The following TRPV5 variants were observed in gnomAD, a reference collection of about 807,000 sequenced individuals.
TRPV5 encodes the protein transient receptor potential cation channel subfamily V member 5, also known as calcium transport protein 2.
Under a neutral mutation model 74.1 loss-of-function variants are expected in TRPV5, and 66 were observed. That is an observed-to-expected ratio of 0.89 (90% CI 0.73 to 1.09). TRPV5 has a LOEUF of 1.09. Ranked by LOEUF, TRPV5 falls within the 50% of genes least tolerant of loss-of-function variation. The pLI is 0.00. For synonymous variants in TRPV5, 399 were observed against 360.7 expected (o/e 1.11, Z -1.20); for missense variants, 936 against 930.4 (o/e 1.01, Z -0.08).
intron 8 of TRPV5, among the ~76,000 whole-genome samples, chr7:142,916,765 A>C (rs1563371714): frequency 6.6e-6 from 1 of 152,064 alleles, no homozygotes. Flanking sequence ...GCAGCAGCAC[A>C]CTCACCTGCC....
At chr7:142,930,546 C>T in intron 1 of TRPV5, 100 bp from the exon 2 acceptor site, 1 of 889,970 alleles carries the variant, frequency 1.1e-6, no homozygotes, top group South Asian at 1.4e-5. Flanking sequence ...ACGTGACTCA[C>T]ACAGCGTGCA....
chr7:142,929,989 A>G (rs1796057254), intron 3 of TRPV5, 69 bp downstream of exon 3: 3 of 1,609,516 alleles, frequency 1.9e-6, no homozygotes, highest in Non-Finnish European at 1.7e-6. Flanking sequence ...TCAGAGGCCA[A>G]TTTTAAGAGA....
intron 1 of TRPV5, among the ~76,000 whole-genome samples, chr7:142,932,613 G>A (rs2116613532): frequency 6.6e-6 from 1 of 152,258 alleles, no homozygotes; most frequent in East Asian, 1.9e-4. Flanking sequence ...AACACTTGGA[G>A]GAAGAAGCAG....
chr7:142,911,955 C>T (rs952145626), intron 13 of TRPV5, among the ~76,000 whole-genome samples: 3 of 152,114 alleles, frequency 2.0e-5, no homozygotes, highest in African/African-American at 7.2e-5. Context: ...CCCTTCCTCC[C>T]AACCTCTACC....
intron 8 of TRPV5, 35 bp downstream of exon 8, chr7:142,925,494 G>A: frequency 6.2e-7 from 1 of 1,608,284 alleles, no homozygotes; most frequent in African/African-American, 1.3e-5. Context: ...ACCCCTTGAT[G>A]CAATTCTCTC....
chr7:142,928,612 A>T (rs905861994), intron 6 of TRPV5, 79 bp downstream of exon 6: 4 of 1,500,300 alleles, frequency 2.7e-6, no homozygotes, highest in African/African-American at 2.8e-5. Context: ...TGGGCCCTTC[A>T]CCTCTATTTC....
At chr7:142,920,320 T>A (rs575472091) in intron 8 of TRPV5, among the ~76,000 whole-genome samples, 54 of 152,284 alleles carry the variant, frequency 3.5e-4, no homozygotes, top group African/African-American at 1.3e-3. Flanking sequence ...CCCACAGAAT[T>A]ATGACTTGCC....
chr7:142,912,414 A>G (rs1320813948), intron 13 of TRPV5, 68 bp downstream of exon 13: 1 of 1,555,786 alleles, frequency 6.4e-7, no homozygotes, highest in East Asian at 2.3e-5. Flanking sequence ...GATCCACCAT[A>G]ACATTTTCCA....
At chr7:142,924,279 T>TACATGTATATATATACATATATATACAC (rs1563374950) in intron 8 of TRPV5, among the ~76,000 whole-genome samples, 2 of 100,166 alleles carry the variant, frequency 2.0e-5, no homozygotes, top group African/African-American at 1.1e-4. Flanking sequence ...TATATATATA[T>TACATGTATATATATACATATATATACAC]ACATATACAT....
intron 13 of TRPV5, 75 bp downstream of exon 13, chr7:142,912,407 C>A: frequency 6.5e-7 from 1 of 1,540,532 alleles, no homozygotes; most frequent in Non-Finnish European, 8.8e-7. Context: ...TAAGAATGAT[C>A]CACCATAACA....
In TRPV5 at chr7:142,925,673, C is replaced by T. The variant is rs753472178; in HGVS notation, c.978G>A (p.Arg326=). 6.8e-6 allele frequency: 11 copies of T among 1,614,150 alleles called. No individual in the cohort carries two copies. The East Asian group carries it at 2.5e-4, about 36-fold the overall frequency. The change falls in exon 8 of 15, where the codon CGG becomes CGA. Residue 326 remains arginine (R), a synonymous_variant. Transcript: ENST00000265310. ...LVSFKWNKYG[R]PYFCILAALY... is the part of the protein sequence containing the mutation. Reference sequence around the variant, plus strand: ...AGGCAGCCAGGATGCAGAAGTACGGCCGGCCATACTTGTTCCACTTGAAGC... The same window carrying T: ...AGGCAGCCAGGATGCAGAAGTACGGTCGGCCATACTTGTTCCACTTGAAGC...
Position 142,908,593 on chromosome 7 carries a change from A to T in TRPV5, c.2111T>A (p.Leu704His). Reference sequence around the variant, plus strand: ...CAAGTGCCCCAGGGTGTTTTGACGAAGGATCTCCCAGCCTCGGTGACTGCT... The same window carrying T: ...CAAGTGCCCCAGGGTGTTTTGACGATGGATCTCCCAGCCTCGGTGACTGCT... The part of the protein sequence containing the change: ...QSSSHRGWEI[L>H]RQNTLGHLNL... The change falls in exon 15 of 15, where the codon CTT becomes CAT. Residue 704 changes from leucine to histidine, a missense_variant. Physicochemically the swap from Leu to His is moderately conservative, Grantham distance 99. Coordinates refer to ENST00000265310, the MANE Select transcript of TRPV5 (RefSeq NM_019841.7). The T allele has an allele frequency of 6.2e-7, 1 of 1,614,242 alleles. No individual in the cohort carries two copies. Among genetic ancestry groups the T allele is most frequent in the Non-Finnish European group, 8.5e-7 (1 of 1,180,040 alleles).
chr7:142,928,093 G>A lies in TRPV5; in HGVS notation c.904C>T (p.Arg302Ter), dbSNP rs1202128892. 1.6e-5 allele frequency: 26 copies of A among 1,613,976 alleles called. No individual in the cohort carries two copies. The highest frequency in any genetic ancestry group is 2.7e-5 in the African/African-American group (2 of 74,896). The stretch of plus-strand genomic sequence containing the variant: ...ATCCTCCTTGGCATCCATACCTCTC[G>A]TTTATCAGAGGAGACCACAAGCTCC... The part of the protein sequence containing the change: ...FLELVVSSDK[R>*]EARQILEQTP... The change falls in exon 7 of 15, where the codon CGA becomes TGA. Residue 302 changes from arginine to a stop codon, truncating the protein, a stop_gained. Coordinates refer to ENST00000265310, the MANE Select transcript of TRPV5 (RefSeq NM_019841.7). LOFTEE classifies it high-confidence loss of function.
intron 8 of TRPV5, among the ~76,000 whole-genome samples, chr7:142,921,963 C>T (rs1795893290): frequency 6.6e-6 from 1 of 152,202 alleles, no homozygotes; most frequent in Non-Finnish European, 1.5e-5. Context: ...ACCTAGATCT[C>T]AGCTCAGTCA....
At chr7:142,926,421 G>C (rs117674192) in intron 7 of TRPV5, among the ~76,000 whole-genome samples, 555 of 152,284 alleles carry the variant, frequency 3.6e-3, no homozygotes, top group Middle Eastern at 0.017. Flanking sequence ...TGAGAAATTA[G>C]AAAGAGACAG....
chr7:142,923,542 C>G (rs1408200727), intron 8 of TRPV5, among the ~76,000 whole-genome samples: 2 of 152,132 alleles, frequency 1.3e-5, no homozygotes, highest in Non-Finnish European at 2.9e-5. Flanking sequence ...AATCCTCTTA[C>G]CCACCCACTT....
Position 142,908,155 on chromosome 7 carries a change from C to A in TRPV5, c.*359G>T. On this transcript the variant is annotated 3_prime_UTR_variant, in exon 15 of 15. Transcript: ENST00000265310. Reference sequence around the variant, plus strand: ...CATGCCTGGCTCTTCCCACGTAAGCCCTGGGGAGCCAGAAAAGCCTCACAG... The same window carrying A: ...CATGCCTGGCTCTTCCCACGTAAGCACTGGGGAGCCAGAAAAGCCTCACAG... 2 of 282,824 alleles carry A rather than the reference C, an allele frequency of 7.1e-6. No individual in the cohort carries two copies. The highest frequency in any genetic ancestry group is 7.7e-5 in the South Asian group (1 of 13,036). The allele number at this position is 282,824 out of a possible 1,614,324, so 17.5% of individuals were successfully genotyped here. A position where few individuals can be genotyped will look rare whatever the true frequency, so the allele number is the denominator to read the frequency against.
rs768427352 is a variant in TRPV5 at position 142,928,259 on chromosome 7, G to T, written c.763-25C>A. 7 of 1,613,784 alleles carry T rather than the reference G, an allele frequency of 4.3e-6. No individual in the cohort carries two copies. The South Asian group carries it at 7.7e-5, about 18-fold the overall frequency. ...TCTGAGAGACCACCAGGATGAGTCA[G>T]GGGGCCAACGTGTGAGAAGGTGGTC... On this transcript the variant is annotated intron_variant, in intron 6 of 14. Coordinates refer to ENST00000265310, the MANE Select transcript of TRPV5 (RefSeq NM_019841.7).
At chr7:142,931,013 G>A (rs1796081638) in intron 1 of TRPV5, among the ~76,000 whole-genome samples, 1 of 132,580 alleles carries the variant, frequency 7.5e-6, no homozygotes, top group African/African-American at 2.8e-5. Context: ...TACTCCCTCA[G>A]GCTATTTTTT....
Sources: allele counts gnomAD v4.1 joint callset (sites outside exome capture counted in the v4.1 genomes callset), GRCh38; gene constraint gnomAD v4.1.1; transcripts MANE v1.5; gene names NCBI Gene and HGNC (gene_info 2026-07-23, HGNC 2026-07-21).